Variants in MAP7D2 observed in about 807,000 individuals in gnomAD.
The protein encoded by MAP7D2 is MAP7 domain-containing protein 2.
A neutral mutation model predicts 63.5 loss-of-function variants in MAP7D2; 33 were observed. That is an observed-to-expected ratio of 0.52 (90% CI 0.39 to 0.70). MAP7D2 has a LOEUF of 0.70. Among genes scored for constraint, MAP7D2 ranks in the 30% least tolerant of loss-of-function variants. The pLI, the probability that MAP7D2 is intolerant of heterozygous loss-of-function variation, is 0.00. For synonymous variants in MAP7D2, 224 were observed against 223.7 expected (o/e 1.00, Z -0.01); for missense variants, 626 against 604.0 (o/e 1.04, Z -0.38).
intron 1 of MAP7D2, among the ~76,000 whole-genome samples, chrX:20,101,857 T>A (rs1305191043): frequency 2.7e-5 from 3 of 112,719 alleles, no homozygotes; most frequent in Non-Finnish European, 5.6e-5. Context: ...TGGTGGTGGC[T>A]GCACAACAAC....
chrX:20,074,729 G>A (rs1426546123), intron 1 of MAP7D2, among the ~76,000 whole-genome samples: 2 of 111,584 alleles, frequency 1.8e-5, no homozygotes, highest in Non-Finnish European at 3.8e-5. Flanking sequence ...AAGGCACTCT[G>A]AGAACATCAA....
intron 1 of MAP7D2, among the ~76,000 whole-genome samples, chrX:20,070,847 T>G (rs912186954): frequency 1.8e-5 from 2 of 112,441 alleles, no homozygotes; most frequent in Admixed American, 9.4e-5. Context: ...AAATGAATTT[T>G]ATTAGCTTGA....
Position 20,016,037 on chromosome X carries a change from C to A in MAP7D2, c.1644+57G>T, listed in dbSNP as rs1022056106. ...AGTCATTGAAATTTAACTAATTGTA[C>A]CTACTATCAAGGTCCTTAAAAAACA... On this transcript the variant is annotated intron_variant, in intron 11 of 16. Transcript: ENST00000379643. The A allele has an allele frequency of 5.2e-6, 5 of 954,582 alleles. No individual in the cohort carries two copies. In the African/African-American group the frequency reaches 7.8e-5, roughly 15 times the overall value. 78.7% of individuals were successfully genotyped at this position (954,582 alleles called of 1,213,427 possible). A position where few individuals can be genotyped will look rare whatever the true frequency, so the allele number is the denominator to read the frequency against.
At chrX:20,029,122 T>C (rs1048128105) in intron 8 of MAP7D2, among the ~76,000 whole-genome samples, 3 of 112,492 alleles carry the variant, frequency 2.7e-5, no homozygotes, top group Non-Finnish European at 5.6e-5. Flanking sequence ...CTAAGCAGTA[T>C]AGAAAGAGTT....
At chrX:20,042,731 G>A in intron 7 of MAP7D2, 102 bp from the exon 8 acceptor site, 3 of 1,002,870 alleles carry the variant, frequency 3.0e-6, no homozygotes, top group Non-Finnish European at 4.1e-6. Flanking sequence ...TCTTTCAGAG[G>A]GATCGATATG....
chrX:20,009,663 CAAAAAAAA>C (rs35018861), intron 16 of MAP7D2, among the ~76,000 whole-genome samples: 1 of 17,736 alleles, frequency 5.6e-5, no homozygotes, highest in Non-Finnish European at 9.3e-5. Flanking sequence ...GATTCCATCT[CAAAAAAAA>C]AAAAAAAAAA....
chrX:20,049,841 C>T (rs1397834092), intron 6 of MAP7D2: 5 of 323,671 alleles, frequency 1.5e-5, no homozygotes, highest in Middle Eastern at 4.9e-4. Flanking sequence ...TCCACCAACA[C>T]GTGGTTATTT....
At chrX:20,048,117 C>G (rs749461825) in intron 6 of MAP7D2, among the ~76,000 whole-genome samples, 6 of 111,593 alleles carry the variant, frequency 5.4e-5, no homozygotes, top group Non-Finnish European at 7.5e-5. Flanking sequence ...CAAGGTTAGC[C>G]TTTAGCCAGC....
chrX:20,102,698 C>G (rs985288168), intron 1 of MAP7D2, among the ~76,000 whole-genome samples: 1 of 107,726 alleles, frequency 9.3e-6, no homozygotes, highest in Non-Finnish European at 1.9e-5. Context: ...CAGAGTCTGA[C>G]CCAAAGCACT....
At chrX:20,045,399 C>T (rs986896453) in intron 6 of MAP7D2, among the ~76,000 whole-genome samples, 13 of 108,613 alleles carry the variant, frequency 1.2e-4, no homozygotes, top group African/African-American at 4.4e-4. Flanking sequence ...TGGGGGCACA[C>T]TCCTGTAGTC....
intron 1 of MAP7D2, among the ~76,000 whole-genome samples, chrX:20,113,332 C>T (rs973317298): frequency 6.3e-5 from 7 of 111,279 alleles, no homozygotes; most frequent in African/African-American, 1.3e-4. Flanking sequence ...CTGCAACCTC[C>T]GCCTCCCGGG....
At chrX:20,045,947 G>T (rs926790713) in intron 6 of MAP7D2, among the ~76,000 whole-genome samples, 4 of 112,034 alleles carry the variant, frequency 3.6e-5, no homozygotes, top group African/African-American at 1.3e-4. Flanking sequence ...CACAGCCCAA[G>T]TGATGCCTTT....
At chrX:20,020,065 C>T (rs1281510854) in intron 10 of MAP7D2, among the ~76,000 whole-genome samples, 2 of 112,160 alleles carry the variant, frequency 1.8e-5, no homozygotes, top group Non-Finnish European at 3.8e-5. Flanking sequence ...TTAGTTGATG[C>T]TTATCACCAA....
chrX:20,008,961 A>C (rs963871641), intron 16 of MAP7D2, among the ~76,000 whole-genome samples: 3 of 112,149 alleles, frequency 2.7e-5, no homozygotes, highest in Non-Finnish European at 3.8e-5. Flanking sequence ...CTGAAGGGAA[A>C]CTAATTTTAA....
chrX:20,064,152 T>C (rs1161108718), intron 2 of MAP7D2, among the ~76,000 whole-genome samples: 1 of 111,612 alleles, frequency 9.0e-6, no homozygotes, highest in Admixed American at 9.4e-5. Context: ...GCAATGCTTG[T>C]ACCGACCAGC....
intron 1 of MAP7D2, among the ~76,000 whole-genome samples, chrX:20,114,756 T>C (rs753201159): frequency 1.8e-5 from 2 of 112,477 alleles, no homozygotes; most frequent in South Asian, 7.3e-4. Flanking sequence ...CAGGTCTTTC[T>C]GTATTTTGCA....
At chrX:20,098,047 C>T (rs982182180) in intron 1 of MAP7D2, among the ~76,000 whole-genome samples, 5 of 111,604 alleles carry the variant, frequency 4.5e-5, no homozygotes, top group African/African-American at 1.6e-4. Context: ...TAAGTGTACA[C>T]TATAACAAAA....
chrX:20,010,346 T>C (rs999000429), intron 16 of MAP7D2, among the ~76,000 whole-genome samples: 1 of 112,300 alleles, frequency 8.9e-6, no homozygotes. Context: ...GTCAAGAGAA[T>C]AGCAAATCCT....
chrX:20,104,498 G>A (rs368911453), intron 1 of MAP7D2, among the ~76,000 whole-genome samples: 128 of 111,425 alleles, frequency 1.1e-3, no homozygotes, highest in African/African-American at 3.7e-3. Context: ...AGGGGGTTTC[G>A]CCATGTTGGC....
Sources: allele counts gnomAD v4.1 joint callset (sites outside exome capture counted in the v4.1 genomes callset), GRCh38; gene constraint gnomAD v4.1.1; transcripts MANE v1.5; gene names NCBI Gene and HGNC (gene_info 2026-07-23, HGNC 2026-07-21).